The following TDRD12 variants were observed in gnomAD, a reference collection of about 807,000 sequenced individuals.
The protein encoded by TDRD12 is putative ATP-dependent RNA helicase TDRD12.
In TDRD12, 158 loss-of-function variants were observed where a neutral mutation model predicts 133.5. The observed-to-expected ratio is 1.18, with a 90% CI of 1.04 to 1.35. The LOEUF is 1.35. TDRD12 is among the 40% of genes most tolerant of loss of function. The pLI is 0.00. For missense variants in TDRD12, 1,443 were observed against 1,321.3 expected, an observed-to-expected ratio of 1.09 and a Z score of -1.43; for synonymous variants, 460 against 477.9, an observed-to-expected ratio of 0.96 and a Z score of 0.49.
intron 18 of TDRD12, among the ~76,000 whole-genome samples, chr19:32,801,058 G>A (rs1362370607): frequency 1.3e-5 from 2 of 151,982 alleles, no homozygotes; most frequent in Non-Finnish European, 2.9e-5. Flanking sequence ...TTATAGACAT[G>A]ACAACATCTT....
chr19:32,759,637 AATATT>A (rs1488395022), intron 8 of TDRD12, among the ~76,000 whole-genome samples: 3 of 152,288 alleles, frequency 2.0e-5, no homozygotes, highest in Admixed American at 6.5e-5. Context: ...AATAAAATAA[AATATT>A]ATAGAGCCTT....
At chr19:32,729,418 C>T (rs1347795091) in intron 1 of TDRD12, among the ~76,000 whole-genome samples, 4 of 151,560 alleles carry the variant, frequency 2.6e-5, no homozygotes, top group East Asian at 2.0e-4. Flanking sequence ...GGAGTTTCAT[C>T]GTGTTAGCTA....
intron 24 of TDRD12, among the ~76,000 whole-genome samples, chr19:32,812,463 A>G (rs988030862): frequency 2.0e-5 from 3 of 147,680 alleles, no homozygotes; most frequent in African/African-American, 7.5e-5. Context: ...AACATTATCC[A>G]GGAAATAAAC....
chr19:32,821,369 AGTGTGTGTGTGTGTGTGTGTGT>A (rs59054756), downstream of TDRD12: 6 of 351,482 alleles, frequency 1.7e-5, no homozygotes, highest in Admixed American at 4.6e-5. Flanking sequence ...AGCTCAGCAG[AGTGTGTGTGTGTGTGTGTGTGT>A]GTGTGTGTGT....
At chr19:32,821,397 T>C (rs1967387064), downstream of TDRD12, 2 of 311,390 alleles carry the variant, frequency 6.4e-6, no homozygotes, top group South Asian at 5.5e-5. Flanking sequence ...TGTGTGTGTG[T>C]GTGTGTGTGT....
intron 11 of TDRD12, among the ~76,000 whole-genome samples, chr19:32,783,241 G>A (rs936214992): frequency 3.3e-5 from 5 of 152,198 alleles, no homozygotes; most frequent in African/African-American, 1.2e-4. Context: ...CATTGCTTGT[G>A]TGTGTCAGGT....
At chr19:32,719,979 G>T in exon 1 of TDRD12, 2 of 1,461,260 alleles carry the variant, frequency 1.4e-6, no homozygotes, top group African/African-American at 2.8e-5. Flanking sequence ...CACTCGCGGC[G>T]GGGGCCTGGC....
At chr19:32,790,329 G>T (rs919450239) in intron 11 of TDRD12, among the ~76,000 whole-genome samples, 1 of 152,298 alleles carries the variant, frequency 6.6e-6, no homozygotes, top group Non-Finnish European at 1.5e-5. Context: ...CTCTCAGGGG[G>T]ACCTGGGTGG....
intron 11 of TDRD12, among the ~76,000 whole-genome samples, chr19:32,787,817 GTA>G (rs1970952861): frequency 6.6e-6 from 1 of 152,190 alleles, no homozygotes; most frequent in African/African-American, 2.4e-5. Flanking sequence ...TTGGGCAGGA[GTA>G]TACTGCTCCT....
chr19:32,811,108 G>A (rs530674014), intron 23 of TDRD12, 102 bp from the exon 24 acceptor site: 12 of 918,862 alleles, frequency 1.3e-5, no homozygotes, highest in Middle Eastern at 3.3e-4. Flanking sequence ...AAATCATGGC[G>A]TTTTGGAGTC....
chr19:32,735,193 CCAAA>C (rs1210499903), intron 2 of TDRD12, among the ~76,000 whole-genome samples: 4 of 151,840 alleles, frequency 2.6e-5, no homozygotes, highest in East Asian at 1.9e-4. Flanking sequence ...GCCTCTTGCA[CCAAA>C]CAGTTAGCAA....
chr19:32,732,170 AT>A (rs1242066263), intron 2 of TDRD12, among the ~76,000 whole-genome samples: 1 of 152,038 alleles, frequency 6.6e-6, no homozygotes, highest in African/African-American at 2.4e-5. Context: ...CACTCAGCTA[AT>A]TTTTGTATTT....
At chr19:32,759,096 G>A (rs985979232) in intron 8 of TDRD12, among the ~76,000 whole-genome samples, 1 of 152,124 alleles carries the variant, frequency 6.6e-6, no homozygotes, top group Non-Finnish European at 1.5e-5. Context: ...ACAAAAATTA[G>A]CCAGGCATGG....
intron 8 of TDRD12, 46 bp downstream of exon 8, chr19:32,757,176 A>C: frequency 7.0e-7 from 1 of 1,429,274 alleles, no homozygotes; most frequent in Non-Finnish European, 9.6e-7. Flanking sequence ...CATGAAAAAA[A>C]TATTCTTAGC....
At chr19:32,797,738 C>T (rs1283894136) in exon 15 of TDRD12, 3 of 685,740 alleles carry the variant, frequency 4.4e-6, no homozygotes, top group East Asian at 5.4e-5. Context: ...TTCGCAGCCT[C>T]TCGCAGTCAT....
Position 32,755,991 on chromosome 19 carries a change from G to A in TDRD12, c.583-1G>A. ...GTCATGAAATGTTTAAAATTTTACAGGTTTGTGTTAATGATGATCTTGTTG... is the reference window on the plus strand; with the variant it reads ...GTCATGAAATGTTTAAAATTTTACAAGTTTGTGTTAATGATGATCTTGTTG... On this transcript the variant is annotated splice_acceptor_variant, in intron 6 of 27. Coordinates refer to ENST00000444215, the Ensembl canonical transcript of TDRD12. LOFTEE classifies it high-confidence loss of function. The A allele has an allele frequency of 6.9e-7, 1 of 1,456,542 alleles. No individual in the cohort carries two copies. Among genetic ancestry groups the A allele is most frequent in the East Asian group, 2.9e-5 (1 of 34,474 alleles). The allele number at this position is 1,456,542 out of a possible 1,614,324, so 90.2% of individuals were successfully genotyped here.
rs908098133 is a variant in TDRD12 at position 32,803,104 on chromosome 19, G to C, written c.2514G>C (p.Arg838Ser). 2.6e-6 allele frequency: 4 copies of C among 1,534,916 alleles called. No homozygotes were observed. The African/African-American group carries it at 5.5e-5, about 21-fold the overall frequency. ...CCAAAGAAGATAAGAAAGCCGGAAG[G>C]CCTCTTTGTCCATATCTGAAGGCTT... Residue 838 changes from arginine (R) to serine (S), a missense_variant, in exon 21 of 28, where the codon AGG (arginine) becomes AGC (serine). Physicochemically the swap from Arg to Ser is moderately radical, Grantham distance 110. Transcript: ENST00000444215.
intron 8 of TDRD12, among the ~76,000 whole-genome samples, chr19:32,761,587 A>AT (rs1204601750): frequency 2.6e-5 from 4 of 152,066 alleles, no homozygotes; most frequent in Admixed American, 1.3e-4. Flanking sequence ...CATTATTTTA[A>AT]TTTGCATTTC....
chr19:32,726,326 G>A (rs1290673350), intron 1 of TDRD12, among the ~76,000 whole-genome samples: 8 of 152,050 alleles, frequency 5.3e-5, no homozygotes, highest in Non-Finnish European at 1.0e-4. Flanking sequence ...GGATCCACCC[G>A]CCTCAGCCTC....
Sources: gnomAD v4.1 joint callset for allele counts (sites outside exome capture counted in the v4.1 genomes callset) on GRCh38, gnomAD v4.1.1 for gene constraint, MANE v1.5 for transcripts, NCBI Gene and HGNC (gene_info 2026-07-23, HGNC 2026-07-21) for gene names.